Variants in NOX4 observed in about 807,000 individuals in gnomAD.
NOX4 encodes NADPH oxidase 4.
NOX4 carries 69 observed loss-of-function variants against 87.6 expected under a neutral mutation model. The ratio of observed to expected loss-of-function variants is 0.79; its 90% CI spans 0.65 to 0.96. The LOEUF is 0.96. NOX4 is among the 40% of genes least tolerant of loss of function. NOX4 has a pLI of 0.00. For synonymous variants in NOX4, 275 were observed against 238.2 expected (o/e 1.15, Z -1.42); for missense variants, 680 against 681.5 (o/e 1.00, Z 0.02).
the NOX4 span, among the ~76,000 whole-genome samples, chr11:89,570,467 C>T: frequency 2.6e-5 from 4 of 152,108 alleles, no homozygotes; most frequent in African/African-American, 9.6e-5. Flanking sequence ...ACCCATGTAA[C>T]AAACCTGTAT....
chr11:89,440,687 C>A lies in NOX4; in HGVS notation c.475+1G>T. On this transcript the variant is annotated splice_donor_variant, in intron 6 of 17. Transcript: ENST00000263317. LOFTEE classifies it high-confidence loss of function. ...AGAAAAGGCTAAGAATAACAACTTA[C>A]CAGTTGTGAAGAGAAGTTTTCTAGG... The A allele has an allele frequency of 1.9e-6, 3 of 1,545,522 alleles. No individual in the cohort carries two copies. The highest frequency in any genetic ancestry group is 2.6e-6 in the Non-Finnish European group (3 of 1,134,674).
At chr11:89,452,057 A>T (rs979126587) in intron 2 of NOX4, among the ~76,000 whole-genome samples, 162 bp from the exon 3 acceptor site, 1 of 151,482 alleles carries the variant, frequency 6.6e-6, no homozygotes, top group African/African-American at 2.4e-5. Flanking sequence ...TCTCACTAAA[A>T]CCCCCTTTGA....
chr11:89,499,257 G>A (rs1278110523), upstream of NOX4: 1 of 152,122 alleles, frequency 6.6e-6, no homozygotes, highest in East Asian at 1.9e-4. Flanking sequence ...TGAACTAGAG[G>A]CTGCACTGGT....
intron 2 of NOX4, among the ~76,000 whole-genome samples, chr11:89,460,622 C>T (rs571558734): frequency 0.022 from 3,397 of 152,192 alleles, 134 homozygotes; most frequent in African/African-American, 0.078. Flanking sequence ...CATCTCACAC[C>T]AGTTAGAATG....
the NOX4 span, among the ~76,000 whole-genome samples, chr11:89,584,407 T>C: frequency 6.6e-6 from 1 of 152,154 alleles, no homozygotes; most frequent in Non-Finnish European, 1.5e-5. Flanking sequence ...TGCACCATAA[T>C]CAACCTTTTA....
At chr11:89,511,827 T>C in the NOX4 span, among the ~76,000 whole-genome samples, 55 of 152,188 alleles carry the variant, frequency 3.6e-4, 1 homozygote, top group Admixed American at 3.6e-3. Context: ...CAGATTTCTC[T>C]TGGAGTCCAC....
At position 89,485,671 on chromosome 11, in the gene NOX4, A is replaced by T. The variant is rs80099162; in HGVS notation, c.153+4787T>A. On this transcript the variant is annotated intron_variant, in intron 2 of 17. Coordinates refer to ENST00000263317, the MANE Select transcript of NOX4 (RefSeq NM_016931.5). ...TAATTTCTATAAAGTTCAGGCAACTACATTTTCCATTCTTGAAAATAAATA... is the reference window on the plus strand; with the variant it reads ...TAATTTCTATAAAGTTCAGGCAACTTCATTTTCCATTCTTGAAAATAAATA... 4.3e-3 allele frequency among the ~76,000 whole-genome samples: 653 copies of T among 152,314 alleles called. 6 individuals are homozygous for T. The highest frequency in any genetic ancestry group is 0.039 in the East Asian group (202 of 5,190).
chr11:89,357,216 G>GT (rs35531987), intron 12 of NOX4, among the ~76,000 whole-genome samples: 36,605 of 150,622 alleles, frequency 0.24, 8,332 homozygotes, highest in African/African-American at 0.6. Context: ...GGCTTCTACT[G>GT]TTTTTTTTTC....
intron 2 of NOX4, among the ~76,000 whole-genome samples, chr11:89,469,485 A>C (rs2135438284): frequency 6.6e-6 from 1 of 152,328 alleles, no homozygotes; most frequent in South Asian, 2.1e-4. Flanking sequence ...GAAAATTTTA[A>C]TCAAACCAAA....
At chr11:89,461,182 T>C (rs1184615709) in intron 2 of NOX4, among the ~76,000 whole-genome samples, 7 of 151,828 alleles carry the variant, frequency 4.6e-5, no homozygotes, top group Admixed American at 3.9e-4. Flanking sequence ...CCGGGAGGGA[T>C]AGCATTAGGA....
the NOX4 span, among the ~76,000 whole-genome samples, chr11:89,553,494 T>A: frequency 1.3e-5 from 2 of 152,170 alleles, no homozygotes; most frequent in Admixed American, 6.5e-5. Context: ...GTATTCTTTA[T>A]AGCAGTGTGA....
chr11:89,578,305 G>A, the NOX4 span, among the ~76,000 whole-genome samples: 1 of 151,996 alleles, frequency 6.6e-6, no homozygotes, highest in Non-Finnish European at 1.5e-5. Context: ...GGGACTACAG[G>A]TGCATGCCAC....
chr11:89,535,895 G>T, the NOX4 span, among the ~76,000 whole-genome samples: 75 of 152,194 alleles, frequency 4.9e-4, no homozygotes, highest in Admixed American at 1.5e-3. Flanking sequence ...TTTCAGCCAT[G>T]GAGAAAGGTA....
At chr11:89,532,560 G>T in the NOX4 span, among the ~76,000 whole-genome samples, 1 of 152,158 alleles carries the variant, frequency 6.6e-6, no homozygotes, top group African/African-American at 2.4e-5. Flanking sequence ...AGGCAGAAGG[G>T]ACTTCCCTTG....
intron 17 of NOX4, among the ~76,000 whole-genome samples, chr11:89,332,496 G>C (rs1945514873): frequency 6.6e-6 from 1 of 151,702 alleles, no homozygotes; most frequent in Non-Finnish European, 1.5e-5. Flanking sequence ...TTTTCTAATA[G>C]TTTATTAAAT....
chr11:89,524,413 C>T, the NOX4 span, among the ~76,000 whole-genome samples: 2 of 152,164 alleles, frequency 1.3e-5, no homozygotes, highest in South Asian at 4.2e-4. Context: ...TTGGTTATAT[C>T]ATTAATTTCA....
chr11:89,520,213 A>T, the NOX4 span, among the ~76,000 whole-genome samples: 2 of 152,040 alleles, frequency 1.3e-5, no homozygotes, highest in Non-Finnish European at 2.9e-5. Context: ...GAGGCTAAAA[A>T]AAAGGTAAAA....
At chr11:89,330,628 G>C (rs201572954) in intron 17 of NOX4, among the ~76,000 whole-genome samples, 1 of 79,618 alleles carries the variant, frequency 1.3e-5, no homozygotes, top group African/African-American at 4.4e-5. Flanking sequence ...TTACTAAAAA[G>C]AAAAAAAAAA....
the NOX4 span, among the ~76,000 whole-genome samples, chr11:89,572,043 C>T: frequency 1.3e-5 from 2 of 152,176 alleles, no homozygotes; most frequent in Non-Finnish European, 2.9e-5. Flanking sequence ...GCCTCCGCCC[C>T]CCTCAAGTAG....
Sources: allele counts gnomAD v4.1 joint callset (sites outside exome capture counted in the v4.1 genomes callset), GRCh38; gene constraint gnomAD v4.1.1; transcripts MANE v1.5; gene names NCBI Gene and HGNC (gene_info 2026-07-23, HGNC 2026-07-21).